The following MBP variants were observed in gnomAD, a reference collection of about 807,000 sequenced individuals.
MBP encodes the protein myelin basic protein.
MBP carries 16 observed loss-of-function variants against 35.8 expected under a neutral mutation model. The ratio of observed to expected loss-of-function variants is 0.45; its 90% CI spans 0.30 to 0.68. The LOEUF (loss-of-function observed/expected upper bound fraction) is 0.68, where lower values mean the gene tolerates loss of function less well. MBP is among the 30% of genes least tolerant of loss of function. The pLI, the probability that MBP is intolerant of heterozygous loss-of-function variation, is 0.08. For missense variants in MBP, 380 were observed against 404.7 expected, an observed-to-expected ratio of 0.94 and a Z score of 0.52; for synonymous variants, 143 against 159.6, an observed-to-expected ratio of 0.90 and a Z score of 0.78.
At chr18:77,118,531 G>T (rs1002643004) in intron 1 of MBP, among the ~76,000 whole-genome samples, 3 of 151,848 alleles carry the variant, frequency 2.0e-5, no homozygotes, top group African/African-American at 7.3e-5. Flanking sequence ...CGGCACCAGG[G>T]TTCACAGACA....
At chr18:77,112,167 A>AAG in intron 1 of MBP, among the ~76,000 whole-genome samples, 1 of 82,328 alleles carries the variant, frequency 1.2e-5, no homozygotes, top group East Asian at 3.0e-4. Context: ...CACCGTGCAC[A>AAG]CGCACACACA....
At chr18:76,991,756 A>C (rs890058997) in intron 4 of MBP, among the ~76,000 whole-genome samples, 1 of 152,234 alleles carries the variant, frequency 6.6e-6, no homozygotes, top group Admixed American at 6.5e-5. Context: ...CCCCGTCGAC[A>C]CAGAACGCAG....
chr18:77,108,035 GGTAA>G (rs1976334643), intron 1 of MBP, among the ~76,000 whole-genome samples: 1 of 152,190 alleles, frequency 6.6e-6, no homozygotes, highest in Admixed American at 6.5e-5. Context: ...CCTGAGCACC[GGTAA>G]GTGAGACGTG....
At position 77,018,964 on chromosome 18, in the gene MBP, T is replaced by TC. The variant is rs1971850101; in HGVS notation, c.140-1697dup. The stretch of plus-strand genomic sequence containing the variant: ...CCTGTTCATCCATCCATCTATCCAT[T>TC]CATCCATCCATCCATCCATCCATCC... On this transcript the variant is annotated intron_variant, in intron 3 of 8. Coordinates refer to ENST00000355994, the MANE Select transcript of MBP (RefSeq NM_001025101.2). Among the ~76,000 whole-genome samples the TC allele has an allele frequency of 4.8e-3, 589 of 122,576 alleles. 12 individuals carry two copies. Among genetic ancestry groups the TC allele is most frequent in the African/African-American group, 0.018 (545 of 31,068 alleles). 80.4% of individuals were successfully genotyped at this position (122,576 alleles called of 152,430 possible). A position where few individuals can be genotyped will look rare whatever the true frequency, so the allele number is the denominator to read the frequency against.
rs1599474791 is a variant in MBP at position 76,988,964 on chromosome 18, C to A, written c.682-52G>T. On this transcript the variant is annotated intron_variant, in intron 5 of 8. Coordinates refer to ENST00000355994, the MANE Select transcript of MBP (RefSeq NM_001025101.2). This position sits in a 1 kb window ranked among gnomAD's most constrained non-coding sequence, Gnocchi z 5.2. ...TGCACTGGGAGCCCTGTGCCGCCGT[C>A]CATTTCCTAACGGGCTCCTGCCTGC... The A allele has an allele frequency of 6.3e-7, 1 of 1,588,464 alleles. No individual in the cohort carries two copies. Among genetic ancestry groups the A allele is most frequent in the African/African-American group, 1.3e-5 (1 of 74,506 alleles).
At chr18:76,986,212 C>T (rs1298200112) in intron 7 of MBP, 1 of 985,362 alleles carries the variant, frequency 1.0e-6, no homozygotes. Flanking sequence ...GTCCAGACTG[C>T]ACTTTACATT....
intron 2 of MBP, 141 bp from the exon 3 acceptor site, chr18:77,066,526 T>C: frequency 5.1e-6 from 4 of 782,614 alleles, no homozygotes; most frequent in Non-Finnish European, 9.3e-6. Context: ...ATATAGAGCC[T>C]TGGTTCAGAG....
At chr18:77,130,130 G>A (rs539558711) in intron 1 of MBP, among the ~76,000 whole-genome samples, 26 of 152,068 alleles carry the variant, frequency 1.7e-4, no homozygotes, top group African/African-American at 5.6e-4. Context: ...CTAAGGAGAA[G>A]ATGATGAACA....
chr18:76,986,354 AC>A (rs1969557695), intron 7 of MBP: 5 of 985,364 alleles, frequency 5.1e-6, no homozygotes, highest in Non-Finnish European at 6.0e-6. Context: ...GACAGGGAGG[AC>A]CTTGACCAAC....
At position 76,984,471 on chromosome 18, in the gene MBP, A is replaced by G. The variant is rs1969418041; in HGVS notation, c.870+304T>C. 3 of 344,714 alleles carry G rather than the reference A, an allele frequency of 8.7e-6. No individual in the cohort carries two copies. The South Asian group carries it at 9.3e-5, about 11-fold the overall frequency. The allele number at this position is 344,714 out of a possible 1,614,324, so 21.4% of individuals were successfully genotyped here. A position where few individuals can be genotyped will look rare whatever the true frequency, so the allele number is the denominator to read the frequency against. On this transcript the variant is annotated intron_variant, in intron 8 of 8. Transcript: ENST00000355994. ...AGGGCCCCAACCCCTGGGCATGAGC[A>G]AGTTGGACTCCAGCTGGGCCCTGCC...
chr18:77,049,748 C>T (rs1396403134), intron 3 of MBP, among the ~76,000 whole-genome samples: 1 of 152,026 alleles, frequency 6.6e-6, no homozygotes, highest in Non-Finnish European at 1.5e-5. Context: ...GGTGCAATCT[C>T]AGCTCACTGC....
intron 3 of MBP, among the ~76,000 whole-genome samples, chr18:77,046,755 C>T (rs1973274728): frequency 6.6e-6 from 1 of 152,240 alleles, no homozygotes; most frequent in Admixed American, 6.5e-5. Flanking sequence ...TTCCTACGGC[C>T]CACCCTTCCT....
chr18:77,050,153 T>C (rs1056538747), intron 3 of MBP, among the ~76,000 whole-genome samples: 1 of 152,272 alleles, frequency 6.6e-6, no homozygotes, highest in African/African-American at 2.4e-5. Flanking sequence ...TCCAAATTCT[T>C]GTTCATCTCT....
chr18:77,063,858 T>A (rs1974083194), intron 3 of MBP, among the ~76,000 whole-genome samples: 1 of 151,948 alleles, frequency 6.6e-6, no homozygotes, highest in Non-Finnish European at 1.5e-5. Context: ...GACCTTTTTA[T>A]GTTATATTGT....
intron 2 of MBP, chr18:77,067,927 G>T (rs1974264799): frequency 1.5e-5 from 7 of 456,572 alleles, no homozygotes; most frequent in Non-Finnish European, 3.1e-5. Flanking sequence ...TGTTCCTGGA[G>T]AGAAGTCCAG....
Position 77,050,267 on chromosome 18 carries a change from C to G in MBP, c.139+16031G>C, listed in dbSNP as rs573088387. ...AGAGACACATTTGGCAAAGCAATGT[C>G]TTCTGCTGACTGAGGCGCTTACTGG... On this transcript the variant is annotated intron_variant, in intron 3 of 8. Coordinates refer to ENST00000355994, the MANE Select transcript of MBP (RefSeq NM_001025101.2). 2.6e-5 allele frequency among the ~76,000 whole-genome samples: 4 copies of G among 152,318 alleles called. No individual in the cohort carries two copies. In the East Asian group the frequency reaches 7.7e-4, roughly 29 times the overall value.
chr18:77,049,129 C>G (rs1022579694), intron 3 of MBP, among the ~76,000 whole-genome samples: 1 of 151,624 alleles, frequency 6.6e-6, no homozygotes, highest in Non-Finnish European at 1.5e-5. Context: ...CCGTGTTAGC[C>G]TGGATGGTCT....
intron 3 of MBP, among the ~76,000 whole-genome samples, chr18:77,063,896 ATGTGTGTGTG>A (rs10554697): frequency 3.3e-5 from 5 of 149,742 alleles, no homozygotes; most frequent in Non-Finnish European, 7.4e-5. Context: ...ACCTATACAT[ATGTGTGTGTG>A]TGTGTGTGTG....
At chr18:77,079,487 C>T (rs1974802319) in intron 2 of MBP, among the ~76,000 whole-genome samples, 1 of 152,196 alleles carries the variant, frequency 6.6e-6, no homozygotes, top group African/African-American at 2.4e-5. Context: ...TCTCACTTTG[C>T]ATTTCCTTAC....
Sources: gnomAD v4.1 joint callset for allele counts (sites outside exome capture counted in the v4.1 genomes callset) on GRCh38, gnomAD v4.1.1 for gene constraint, Gnocchi (gnomAD v3.1) non-coding constraint, MANE v1.5 for transcripts, NCBI Gene and HGNC (gene_info 2026-07-23, HGNC 2026-07-21) for gene names.